TTC39B: variants seen among roughly 807,000 people sequenced by gnomAD.
The protein encoded by TTC39B is tetratricopeptide repeat protein 39B.
Under a neutral mutation model 96.6 loss-of-function variants are expected in TTC39B, and 92 were observed. That is an observed-to-expected ratio of 0.95 (90% CI 0.80 to 1.13). The LOEUF (loss-of-function observed/expected upper bound fraction) is 1.13. Ranked by LOEUF, TTC39B falls within the 50% of genes most tolerant of loss-of-function variation. The pLI is 0.00. For missense variants in TTC39B, 955 were observed against 809.3 expected (o/e 1.18, Z -2.18); for synonymous variants, 367 against 299.4 (o/e 1.23, Z -2.33).
chr9:15,295,028 G>A (rs1824321568), intron 1 of TTC39B, among the ~76,000 whole-genome samples: 2 of 152,168 alleles, frequency 1.3e-5, no homozygotes, highest in African/African-American at 4.8e-5. Flanking sequence ...CAATTAATGG[G>A]ATGTGTCAAG....
chr9:15,284,722 T>C (rs1380197500), intron 1 of TTC39B, among the ~76,000 whole-genome samples: 3 of 152,144 alleles, frequency 2.0e-5, no homozygotes, highest in African/African-American at 7.2e-5. Flanking sequence ...CTTAAGCTGG[T>C]CTCTTCTGAG....
At chr9:15,302,693 A>C (rs551704715) in intron 1 of TTC39B, among the ~76,000 whole-genome samples, 5 of 151,708 alleles carry the variant, frequency 3.3e-5, no homozygotes, top group East Asian at 3.9e-4. Flanking sequence ...AAAATACAAA[A>C]ATTAGCTGGG....
At chr9:15,275,194 A>C (rs1650245776) in intron 1 of TTC39B, among the ~76,000 whole-genome samples, 1 of 152,118 alleles carries the variant, frequency 6.6e-6, no homozygotes, top group Non-Finnish European at 1.5e-5. Context: ...GGCATGCACC[A>C]CTACACCCAG....
In TTC39B at chr9:15,182,392, AC is replaced by A. The variant is rs764199470; in HGVS notation, c.1637del (p.Gly546ValfsTer4). 9 of 1,611,154 alleles carry A rather than the reference AC, an allele frequency of 5.6e-6. No individual in the cohort carries two copies. The highest frequency in any genetic ancestry group is 2.7e-5 in the African/African-American group (2 of 74,728). On this transcript the variant is annotated frameshift_variant, in exon 17 of 20. Transcript: ENST00000512701. LOFTEE classifies it high-confidence loss of function. ...CTTTTCTTTTGCTCACTATTGAAAA[AC>A]CATTCCAGACATACATCATTTCCTA...
chr9:15,203,131 G>T (rs1412963171), intron 7 of TTC39B, among the ~76,000 whole-genome samples: 1 of 152,194 alleles, frequency 6.6e-6, no homozygotes, highest in African/African-American at 2.4e-5. Flanking sequence ...CACTTCCTCT[G>T]CCCGGGCCAC....
intron 9 of TTC39B, among the ~76,000 whole-genome samples, chr9:15,191,514 T>C (rs1332059560): frequency 1.3e-5 from 2 of 152,196 alleles, no homozygotes; most frequent in Non-Finnish European, 2.9e-5. Flanking sequence ...GGACCTTTGA[T>C]GTGGTGTGAT....
intron 7 of TTC39B, among the ~76,000 whole-genome samples, chr9:15,201,029 G>A (rs954609008): frequency 1.3e-5 from 2 of 152,102 alleles, no homozygotes; most frequent in South Asian, 2.1e-4. Context: ...AAAAAAGAAA[G>A]ATGCTCTGAT....
At chr9:15,238,723 T>G (rs1821900311) in intron 2 of TTC39B, among the ~76,000 whole-genome samples, 1 of 152,190 alleles carries the variant, frequency 6.6e-6, no homozygotes. Context: ...TGGTGCCTCA[T>G]GCCTGTAATC....
At chr9:15,257,373 T>A (rs1822788265) in intron 2 of TTC39B, among the ~76,000 whole-genome samples, 2 of 152,218 alleles carry the variant, frequency 1.3e-5, no homozygotes, top group African/African-American at 4.8e-5. Flanking sequence ...TTGACAACTA[T>A]AGAAGCTAAG....
intron 6 of TTC39B, among the ~76,000 whole-genome samples, chr9:15,204,164 A>C (rs1011188167): frequency 6.6e-6 from 1 of 152,214 alleles, no homozygotes; most frequent in African/African-American, 2.4e-5. Context: ...AACTCAACTC[A>C]CAAGGGGAAA....
At chr9:15,174,938 A>T (rs1588835213) in intron 19 of TTC39B, 81 bp downstream of exon 19, 1 of 869,874 alleles carries the variant, frequency 1.1e-6, no homozygotes, top group Admixed American at 1.8e-5. Context: ...TGTTAAGTAT[A>T]TAATGTTACT....
chr9:15,166,331 T>C (rs1433439561), exon 20 of TTC39B: 1 of 152,200 alleles, frequency 6.6e-6, no homozygotes, highest in South Asian at 2.1e-4. Flanking sequence ...TAAACACATA[T>C]CATGGGTACA....
At chr9:15,173,366 C>T (rs893146308) in intron 19 of TTC39B, among the ~76,000 whole-genome samples, 2 of 152,104 alleles carry the variant, frequency 1.3e-5, no homozygotes, top group Admixed American at 6.6e-5. Context: ...TGCCCCATTA[C>T]GATGTTCTAT....
At chr9:15,216,974 G>A (rs926077561) in intron 3 of TTC39B, among the ~76,000 whole-genome samples, 3 of 152,150 alleles carry the variant, frequency 2.0e-5, no homozygotes, top group African/African-American at 4.8e-5. Flanking sequence ...CAACATTACT[G>A]AGGATGGTCA....
intron 1 of TTC39B, among the ~76,000 whole-genome samples, chr9:15,279,008 T>A (rs79706712): frequency 0.012 from 1,845 of 152,352 alleles, 40 homozygotes; most frequent in African/African-American, 0.042. Flanking sequence ...AACTTATCCA[T>A]AACTGAGCCT....
chr9:15,235,206 A>G (rs916494464), intron 2 of TTC39B, among the ~76,000 whole-genome samples: 2 of 152,090 alleles, frequency 1.3e-5, no homozygotes, highest in African/African-American at 4.8e-5. Context: ...ACCAACTAAT[A>G]ATTTTTTAAA....
chr9:15,244,329 G>C (rs1430680368), intron 2 of TTC39B, among the ~76,000 whole-genome samples: 1 of 152,134 alleles, frequency 6.6e-6, no homozygotes, highest in Non-Finnish European at 1.5e-5. Flanking sequence ...AGGCATGCTG[G>C]GACACATAGC....
intron 2 of TTC39B, among the ~76,000 whole-genome samples, chr9:15,259,153 T>C (rs1421819138): frequency 6.6e-6 from 1 of 152,204 alleles, no homozygotes; most frequent in East Asian, 1.9e-4. Context: ...ATTGACTCTA[T>C]GACACACAAA....
intron 8 of TTC39B, among the ~76,000 whole-genome samples, chr9:15,198,732 T>C (rs937080786): frequency 3.3e-5 from 5 of 151,730 alleles, no homozygotes; most frequent in African/African-American, 1.2e-4. Flanking sequence ...AAAAGCAAAA[T>C]GGTAGTCACA....
Sources: gnomAD v4.1 joint callset for allele counts (sites outside exome capture counted in the v4.1 genomes callset) on GRCh38, gnomAD v4.1.1 for gene constraint, MANE v1.5 for transcripts, NCBI Gene and HGNC (gene_info 2026-07-23, HGNC 2026-07-21) for gene names.